Variants in PPARGC1A observed in about 807,000 individuals in gnomAD.
The protein encoded by PPARGC1A is peroxisome proliferator-activated receptor gamma coactivator 1-alpha.
PPARGC1A carries 25 observed loss-of-function variants against 88.7 expected under a neutral mutation model. The observed-to-expected ratio is 0.28, with a 90% CI of 0.21 to 0.39. PPARGC1A has a LOEUF of 0.39. Among genes scored for constraint, PPARGC1A ranks in the 10% least tolerant of loss-of-function variants. The pLI, the probability that PPARGC1A is intolerant of heterozygous loss-of-function variation, is 1.00. For missense variants in PPARGC1A, 880 were observed against 968.7 expected (o/e 0.91, Z 1.22); for synonymous variants, 363 against 355.6 (o/e 1.02, Z -0.24).
the PPARGC1A span, among the ~76,000 whole-genome samples, chr4:24,175,853 A>G: frequency 6.6e-6 from 1 of 152,000 alleles, no homozygotes; most frequent in Non-Finnish European, 1.5e-5. Context: ...AATCTCGTTT[A>G]TTTCACTAGC....
the PPARGC1A span, among the ~76,000 whole-genome samples, chr4:24,395,468 T>G: frequency 6.6e-6 from 1 of 152,356 alleles, no homozygotes; most frequent in African/African-American, 2.4e-5. Flanking sequence ...TGGATTCATT[T>G]GGGTTGGTCA....
At position 23,895,936 on chromosome 4, in the gene PPARGC1A, A is replaced by ATGTGTG. The variant is rs550243415; in HGVS notation, n.52+3325_52+3330dup. ...TGACCTGGTTCAATAAATTATAGAG[A>ATGTGTG]TGTGTGTGTGTGTGTGTGTGTGTGT... is the stretch of plus-strand genomic sequence containing the variant. On this transcript the variant is annotated intron_variant and non_coding_transcript_variant, in intron 1 of 3. Transcript: ENST00000507342. Among the ~76,000 whole-genome samples the ATGTGTG allele has an allele frequency of 2.1e-4, 28 of 130,712 alleles. No individual in the cohort carries two copies. The South Asian group carries it at 2.4e-3, about 11-fold the overall frequency. 85.8% of individuals were successfully genotyped at this position (130,712 alleles called of 152,430 possible). A position where few individuals can be genotyped will look rare whatever the true frequency, so the allele number is the denominator to read the frequency against.
chr4:24,346,443 G>C, the PPARGC1A span, among the ~76,000 whole-genome samples: 1 of 151,924 alleles, frequency 6.6e-6, no homozygotes, highest in Non-Finnish European at 1.5e-5. Flanking sequence ...TTTAATTACC[G>C]TTTCAATCTC....
At chr4:24,225,984 G>A in the PPARGC1A span, among the ~76,000 whole-genome samples, 1 of 112,860 alleles carries the variant, frequency 8.9e-6, no homozygotes, top group Non-Finnish European at 1.8e-5. Context: ...AAAAGACAGA[G>A]GGACAAAGAA....
the PPARGC1A span, among the ~76,000 whole-genome samples, chr4:24,396,880 T>C: frequency 6.6e-6 from 1 of 152,158 alleles, no homozygotes; most frequent in Non-Finnish European, 1.5e-5. Flanking sequence ...CCTGGTCCCT[T>C]TTGGTGTGAT....
the PPARGC1A span, among the ~76,000 whole-genome samples, chr4:24,270,830 T>A: frequency 0.62 from 94,332 of 151,986 alleles, 29,769 homozygotes; most frequent in East Asian, 0.87. Context: ...GTTTACAGTT[T>A]AAAACTCTTA....
At chr4:23,899,218 A>C (rs1577697230) in intron 1 of PPARGC1A, 1 of 152,122 alleles carries the variant, frequency 6.6e-6, no homozygotes, top group South Asian at 2.1e-4. Context: ...AACAGGCCAC[A>C]CCTAACATTT....
At chr4:24,042,160 A>C in the PPARGC1A span, among the ~76,000 whole-genome samples, 7 of 152,202 alleles carry the variant, frequency 4.6e-5, no homozygotes, top group African/African-American at 1.7e-4. Flanking sequence ...GAGATTTCTT[A>C]AAGTTCTACT....
chr4:24,123,512 C>T, the PPARGC1A span, among the ~76,000 whole-genome samples: 1 of 152,026 alleles, frequency 6.6e-6, no homozygotes, highest in African/African-American at 2.4e-5. Context: ...AGCATAGAGA[C>T]AAAGCCCCGA....
the PPARGC1A span, among the ~76,000 whole-genome samples, chr4:24,329,684 C>T: frequency 1.3e-5 from 2 of 152,164 alleles, no homozygotes; most frequent in Non-Finnish European, 2.9e-5. Context: ...TTAGCACAAG[C>T]GTGAATAATT....
chr4:23,936,599 T>G, the PPARGC1A span, among the ~76,000 whole-genome samples: 3 of 152,070 alleles, frequency 2.0e-5, no homozygotes, highest in Non-Finnish European at 2.9e-5. Flanking sequence ...CAGCCAGGCA[T>G]GGTGGCAGGC....
At chr4:24,395,305 A>G in the PPARGC1A span, among the ~76,000 whole-genome samples, 1 of 152,250 alleles carries the variant, frequency 6.6e-6, no homozygotes, top group Non-Finnish European at 1.5e-5. Context: ...TACAGTTAGT[A>G]AAATAGTTTG....
At chr4:24,122,731 T>C in the PPARGC1A span, among the ~76,000 whole-genome samples, 5 of 152,072 alleles carry the variant, frequency 3.3e-5, no homozygotes, top group Non-Finnish European at 7.4e-5. Context: ...AGTATCTGAC[T>C]CCAACTAAGG....
chr4:24,337,547 C>G, the PPARGC1A span, among the ~76,000 whole-genome samples: 3 of 152,042 alleles, frequency 2.0e-5, no homozygotes, highest in African/African-American at 7.2e-5. Flanking sequence ...GAGAGGAGCC[C>G]CTACTGAGCG....
At chr4:24,097,103 G>A in the PPARGC1A span, among the ~76,000 whole-genome samples, 32 of 152,116 alleles carry the variant, frequency 2.1e-4, no homozygotes, top group African/African-American at 4.6e-4. Flanking sequence ...CAACAATGGG[G>A]AAGGGAGGGA....
chr4:24,327,693 T>TA, the PPARGC1A span, among the ~76,000 whole-genome samples: 5 of 151,868 alleles, frequency 3.3e-5, no homozygotes, highest in Admixed American at 6.6e-5. Flanking sequence ...ATACCGCCCC[T>TA]AATCCCGCTT....
chr4:24,049,140 ATGTG>A, the PPARGC1A span, among the ~76,000 whole-genome samples: 1 of 149,654 alleles, frequency 6.7e-6, no homozygotes, highest in South Asian at 2.1e-4. Context: ...GTGTGTGCGT[ATGTG>A]TGTGTGTGAG....
At chr4:24,435,004 T>G in the PPARGC1A span, among the ~76,000 whole-genome samples, 2 of 152,322 alleles carry the variant, frequency 1.3e-5, no homozygotes, top group South Asian at 4.1e-4. Flanking sequence ...AACTTTTATT[T>G]CCAAAGAAAT....
chr4:24,387,768 GAAAGAAAGAAAGAAAGAA>G, the PPARGC1A span, among the ~76,000 whole-genome samples: 72 of 63,482 alleles, frequency 1.1e-3, 3 homozygotes, highest in South Asian at 0.013. Context: ...GAGAGAGAGA[GAAAGAAAGAAAGAAAGAA>G]AGAAAGAAAG....
Sources: gnomAD v4.1 joint callset for allele counts (sites outside exome capture counted in the v4.1 genomes callset) on GRCh38, gnomAD v4.1.1 for gene constraint, MANE v1.5 for transcripts, NCBI Gene and HGNC (gene_info 2026-07-23, HGNC 2026-07-21) for gene names.